The following MTUS2 variants were observed in gnomAD, a reference collection of about 807,000 sequenced individuals.
The protein encoded by MTUS2 is microtubule associated scaffold protein 2.
MTUS2 carries 40 observed loss-of-function variants against 114.1 expected under a neutral mutation model. The ratio of observed to expected loss-of-function variants is 0.35; its 90% CI spans 0.27 to 0.46. The LOEUF (loss-of-function observed/expected upper bound fraction) is 0.46. Ranked by LOEUF, MTUS2 falls within the 20% of genes least tolerant of loss-of-function variation. The pLI is 1.00. For synonymous variants in MTUS2, 688 were observed against 672.0 expected, an observed-to-expected ratio of 1.02 and a Z score of -0.37; for missense variants, 1,679 against 1,705.4, an observed-to-expected ratio of 0.98 and a Z score of 0.27.
chr13:29,066,654 G>C (rs145270013), intron 4 of MTUS2, among the ~76,000 whole-genome samples: 1 of 152,370 alleles, frequency 6.6e-6, no homozygotes, highest in Non-Finnish European at 1.5e-5. Flanking sequence ...GAGATGATCA[G>C]ATTCATTCCT....
chr13:28,984,741 T>G (rs1006088732), intron 2 of MTUS2, among the ~76,000 whole-genome samples: 1 of 152,242 alleles, frequency 6.6e-6, no homozygotes, highest in Non-Finnish European at 1.5e-5. Flanking sequence ...GGTTTTAAGA[T>G]TGTGCCTGTG....
chr13:29,025,760 G>C lies in MTUS2; in HGVS notation c.1062G>C (p.Pro354=). The stretch of plus-strand genomic sequence containing the variant: ...GGGATCCATGTGGGGAAGCACACCC[G>C]GAAGCCACCGATGCACTTGGCCATC... ...EGRDPCGEAH[P]EATDALGHLL... is the part of the protein sequence containing the mutation. Residue 354 remains proline (P), a synonymous_variant, in exon 3 of 16, where the codon CCG becomes CCC. Coordinates refer to ENST00000612955, the MANE Select transcript of MTUS2 (RefSeq NM_001033602.4). 1 of 1,613,974 alleles carries C rather than the reference G, an allele frequency of 6.2e-7. No homozygotes were observed. Among genetic ancestry groups the C allele is most frequent in the Non-Finnish European group, 8.5e-7 (1 of 1,179,888 alleles).
intron 5 of MTUS2, among the ~76,000 whole-genome samples, chr13:29,227,258 C>CAAA (rs10680419): frequency 0.031 from 3,732 of 120,238 alleles, 192 homozygotes; most frequent in African/African-American, 0.097. Context: ...GACTCCGTCT[C>CAAA]AAAAAAAAAA....
Position 28,890,601 on chromosome 13 carries a change from T to G in MTUS2, c.-243+50751T>G, listed in dbSNP as rs991374400. On this transcript the variant is annotated intron_variant, in intron 2 of 15. Coordinates refer to ENST00000612955, the MANE Select transcript of MTUS2 (RefSeq NM_001033602.4). ...AGTAAGTGCTCACAGAATGCTAGTC[T>G]TCTTAGTTATATATTTTTATATATA... 4.6e-5 allele frequency among the ~76,000 whole-genome samples: 7 copies of G among 152,326 alleles called. No individual in the cohort carries two copies. In the South Asian group the frequency reaches 6.2e-4, roughly 14 times the overall value.
chr13:28,827,215 T>A (rs1487458729), intron 1 of MTUS2, among the ~76,000 whole-genome samples: 2 of 152,236 alleles, frequency 1.3e-5, no homozygotes, highest in Non-Finnish European at 2.9e-5. Flanking sequence ...CATTTTCCAT[T>A]AGTGTTACAT....
intron 5 of MTUS2, among the ~76,000 whole-genome samples, chr13:29,189,822 T>C (rs1227561842): frequency 6.6e-6 from 1 of 152,174 alleles, no homozygotes; most frequent in East Asian, 1.9e-4. Flanking sequence ...TTGTTATGGA[T>C]GAATATGTGT....
At chr13:28,927,525 C>G (rs1315230278) in intron 2 of MTUS2, among the ~76,000 whole-genome samples, 1 of 152,164 alleles carries the variant, frequency 6.6e-6, no homozygotes, top group Non-Finnish European at 1.5e-5. Context: ...GTAATTGCAC[C>G]ACTGCACTCC....
intron 4 of MTUS2, among the ~76,000 whole-genome samples, chr13:29,040,410 A>G (rs1887295088): frequency 6.6e-6 from 1 of 152,176 alleles, no homozygotes; most frequent in South Asian, 2.1e-4. Context: ...GCAATTGCGA[A>G]TTCTGCTATT....
At chr13:29,064,628 A>C (rs1888579177) in intron 4 of MTUS2, among the ~76,000 whole-genome samples, 1 of 152,008 alleles carries the variant, frequency 6.6e-6, no homozygotes, top group African/African-American at 2.4e-5. Context: ...GATCACAATA[A>C]ATTTTTTAAA....
In MTUS2 at chr13:29,026,868, C is replaced by G. The variant is rs1566305474; in HGVS notation, c.2170C>G (p.Pro724Ala). The change falls in exon 3 of 16, where the codon CCT becomes GCT. Residue 724 changes from proline to alanine, a missense_variant. Physicochemically the swap from Pro to Ala is conservative, Grantham distance 27. Around this residue, in one of 3 missense-constraint regions of MTUS2, gnomAD observed 822 missense variants for 899.7 expected, o/e 0.91. Coordinates refer to ENST00000612955, the MANE Select transcript of MTUS2 (RefSeq NM_001033602.4). Reference sequence around the variant, plus strand: ...GTCTGGAATCAAGCCCCCGGGACATCCTTTCAGTCAAATGAGTGAAAAGTT... The same window carrying G: ...GTCTGGAATCAAGCCCCCGGGACATGCTTTCAGTCAAATGAGTGAAAAGTT... ...MVSGIKPPGH[P>A]FSQMSEKFLQ... is the part of the protein sequence containing the mutation. 6.2e-7 allele frequency: 1 copy of G among 1,601,268 alleles called. No individual in the cohort carries two copies.
chr13:29,016,371 G>A (rs1422727387), intron 2 of MTUS2, among the ~76,000 whole-genome samples: 2 of 150,074 alleles, frequency 1.3e-5, no homozygotes, highest in Admixed American at 6.6e-5. Flanking sequence ...TTTTTTAAGG[G>A]TATGCTTGAA....
At chr13:29,273,313 T>G (rs1007647356) in intron 5 of MTUS2, among the ~76,000 whole-genome samples, 1 of 152,180 alleles carries the variant, frequency 6.6e-6, no homozygotes, top group African/African-American at 2.4e-5. Context: ...TCAGGAATGC[T>G]TTTTTAAGTA....
intron 7 of MTUS2, among the ~76,000 whole-genome samples, chr13:29,349,008 T>G (rs533371018): frequency 6.6e-6 from 1 of 152,320 alleles, no homozygotes; most frequent in South Asian, 2.1e-4. Context: ...AATCTCCGGC[T>G]TTCATATGCA....
intron 4 of MTUS2, among the ~76,000 whole-genome samples, chr13:29,088,637 T>C (rs1484875335): frequency 2.0e-5 from 3 of 152,250 alleles, no homozygotes; most frequent in African/African-American, 7.2e-5. Flanking sequence ...ATCTTGGTGC[T>C]GCAATATTGG....
chr13:29,377,580 A>C (rs1871849849), intron 8 of MTUS2, among the ~76,000 whole-genome samples: 1 of 152,202 alleles, frequency 6.6e-6, no homozygotes, highest in Non-Finnish European at 1.5e-5. Context: ...ACTGATGGAA[A>C]ATCAAAATAC....
chr13:29,082,781 C>T (rs1889503032), intron 4 of MTUS2, among the ~76,000 whole-genome samples: 1 of 152,182 alleles, frequency 6.6e-6, no homozygotes, highest in South Asian at 2.1e-4. Context: ...ATTTGGTATT[C>T]TTATATTGTA....
At chr13:29,501,631 C>G (rs917080537) in intron 15 of MTUS2, among the ~76,000 whole-genome samples, 9 of 152,180 alleles carry the variant, frequency 5.9e-5, no homozygotes, top group Non-Finnish European at 1.2e-4. Context: ...GAAGGGTGTT[C>G]AGGCTCCTCC....
chr13:29,491,755 G>A (rs955387779), intron 11 of MTUS2, among the ~76,000 whole-genome samples: 13 of 148,302 alleles, frequency 8.8e-5, no homozygotes, highest in African/African-American at 1.7e-4. Flanking sequence ...GTGTGTGTGC[G>A]TGTGGTATGT....
chr13:29,265,729 G>GA lies in MTUS2; in HGVS notation c.2645-15974dup, dbSNP rs749559789. Reference sequence around the variant, plus strand: ...CTTACATGGCAAAAGCAGGAGCAAGGAGGGGGTCTGCTACAAACTTTTACA... The same window carrying GA: ...CTTACATGGCAAAAGCAGGAGCAAGGAAGGGGGTCTGCTACAAACTTTTACA... On this transcript the variant is annotated intron_variant, in intron 5 of 15. Transcript: ENST00000612955. Among the ~76,000 whole-genome samples the GA allele has an allele frequency of 4.6e-5, 7 of 152,192 alleles. No homozygotes were observed. The East Asian group carries it at 1.3e-3, about 29-fold the overall frequency.
Sources: allele counts gnomAD v4.1 joint callset (sites outside exome capture counted in the v4.1 genomes callset), GRCh38; gene constraint gnomAD v4.1.1; regional missense constraint gnomAD v4.1.1; transcripts MANE v1.5; gene names NCBI Gene and HGNC (gene_info 2026-07-23, HGNC 2026-07-21).